The following NCBP3 variants were observed in gnomAD, a reference collection of about 807,000 sequenced individuals.
NCBP3 encodes nuclear cap-binding protein subunit 3.
Under a neutral mutation model 75.7 loss-of-function variants are expected in NCBP3, and 20 were observed. The observed-to-expected ratio is 0.26, with a 90% CI of 0.19 to 0.38. The LOEUF is 0.38. NCBP3 is among the 10% of genes least tolerant of loss of function. The probability of loss-of-function intolerance (pLI) is 1.00; values close to 1 mark genes in which losing one functional copy is unlikely to be tolerated. For missense variants in NCBP3, 678 were observed against 796.9 expected (o/e 0.85, Z 1.80); for synonymous variants, 293 against 290.5 (o/e 1.01, Z -0.09).
At chr17:3,816,919 C>T (rs1029429299) in intron 10 of NCBP3, among the ~76,000 whole-genome samples, 3 of 152,034 alleles carry the variant, frequency 2.0e-5, no homozygotes, top group African/African-American at 2.4e-5. Context: ...CCCAGCTCCC[C>T]GGGAGGCTGA....
chr17:3,818,177 G>C lies in NCBP3; in HGVS notation c.1310+86C>G. 1 of 1,051,738 alleles carries C rather than the reference G, an allele frequency of 9.5e-7. No individual in the cohort carries two copies. The highest frequency in any genetic ancestry group is 1.3e-6 in the Non-Finnish European group (1 of 741,672). 65.2% of individuals were successfully genotyped at this position (1,051,738 alleles called of 1,614,324 possible). ...GGGACTGAAATCAGAATAGATAAAA[G>C]ATATTATAAAATTAGGAGGAATTAA... On this transcript the variant is annotated intron_variant, in intron 10 of 12. Transcript: ENST00000389005. This position sits in a 1 kb window ranked among gnomAD's most constrained non-coding sequence, Gnocchi z 4.7.
intron 1 of NCBP3, 92 bp from the exon 2 acceptor site, chr17:3,843,243 C>CTTTTTTTTTTTTTTTTTTTTTTTT (rs5818919): frequency 1.6e-6 from 1 of 631,304 alleles, no homozygotes; most frequent in Non-Finnish European, 2.6e-6. Context: ...TTCTTTTTTC[C>CTTTTTTTTTTTTTTTTTTTTTTTT]TTTTTTTTTT....
At position 3,807,590 on chromosome 17, in the gene NCBP3, T is replaced by C. The variant is rs1293822678; in HGVS notation, c.*5454A>G. ...ACTCTGGGCTGGCCTGATGAAAGGA[T>C]ACAGAGATAACACCACAAAGAAACT... On this transcript the variant is annotated 3_prime_UTR_variant, in exon 13 of 13. Transcript: ENST00000389005. 6.6e-6 allele frequency: 1 copy of C among 152,208 alleles called. No homozygotes were observed. The highest frequency in any genetic ancestry group is 1.5e-5 in the Non-Finnish European group (1 of 68,040). 9.4% of individuals were successfully genotyped at this position (152,208 alleles called of 1,614,324 possible).
chr17:3,808,910 G>A lies in NCBP3; in HGVS notation c.*4134C>T, dbSNP rs2053366095. On this transcript the variant is annotated 3_prime_UTR_variant, in exon 13 of 13. Coordinates refer to ENST00000389005, the MANE Select transcript of NCBP3 (RefSeq NM_001114118.3). The stretch of plus-strand genomic sequence containing the variant: ...TTCAAGCAGAGGAATAACAGAATCA[G>A]ATATATATTTAAGAAAGTTCATCCT... The A allele has an allele frequency of 6.6e-6, 1 of 152,046 alleles. No homozygotes were observed. Among genetic ancestry groups the A allele is most frequent in the African/African-American group, 2.4e-5 (1 of 41,378 alleles). The allele number at this position is 152,046 out of a possible 1,614,324, so 9.4% of individuals were successfully genotyped here.
chr17:3,832,444 C>A (rs1244378689), intron 3 of NCBP3, among the ~76,000 whole-genome samples: 2 of 117,684 alleles, frequency 1.7e-5, no homozygotes, highest in Non-Finnish European at 2.0e-5. Context: ...TCCTGGCCAA[C>A]ACGGTGAAAC....
In NCBP3 at chr17:3,803,949, T is replaced by TACAC; in HGVS notation, c.*9094_*9095insGTGT. 1 of 151,984 alleles carries TACAC rather than the reference T, an allele frequency of 6.6e-6. No homozygotes were observed. Among genetic ancestry groups the TACAC allele is most frequent in the South Asian group, 2.1e-4 (1 of 4,816 alleles). The allele number at this position is 151,984 out of a possible 1,614,324, so 9.4% of individuals were successfully genotyped here. On this transcript the variant is annotated 3_prime_UTR_variant, in exon 13 of 13. Coordinates refer to ENST00000389005, the MANE Select transcript of NCBP3 (RefSeq NM_001114118.3). ...AAAATTAGCCAGGCGTGGTGGCGGG[T>TACAC]GCCTGTAGTCCCAGCTACTCAGGAG...
chr17:3,802,883 G>C lies in NCBP3; in HGVS notation c.*10161C>G, dbSNP rs1188717386. ...GAAGCCAGGGAAAGCTGATGACTGG[G>C]TGCTGGACAGGGAGCAGGGCCACTT... On this transcript the variant is annotated 3_prime_UTR_variant, in exon 13 of 13. Transcript: ENST00000389005. 6.6e-6 allele frequency: 1 copy of C among 152,438 alleles called. No homozygotes were observed. Among genetic ancestry groups the C allele is most frequent in the East Asian group, 1.9e-4 (1 of 5,196 alleles). 9.4% of individuals were successfully genotyped at this position (152,438 alleles called of 1,614,324 possible). A position where few individuals can be genotyped will look rare whatever the true frequency, so the allele number is the denominator to read the frequency against.
intron 3 of NCBP3, among the ~76,000 whole-genome samples, chr17:3,833,256 AG>A (rs1049427148): frequency 6.6e-6 from 1 of 152,148 alleles, no homozygotes; most frequent in African/African-American, 2.4e-5. Context: ...TTGTTTCAAA[AG>A]AAAAAACCAC....
chr17:3,821,264 T>G lies in NCBP3; in HGVS notation c.985A>C (p.Lys329Gln). 6.2e-7 allele frequency: 1 copy of G among 1,613,572 alleles called. No homozygotes were observed. Among genetic ancestry groups the G allele is most frequent in the South Asian group, 1.1e-5 (1 of 91,068 alleles). The change falls in exon 9 of 13, where the codon AAA (lysine) becomes CAA (glutamine). Residue 329 changes from lysine (K) to glutamine (Q), a missense_variant. Lys to Gln is a moderately conservative substitution (Grantham distance 53, BLOSUM62 1). This residue lies in a region of NCBP3 where 365 missense variants were observed against 392.7 expected (regional missense o/e 0.93). Coordinates refer to ENST00000389005, the MANE Select transcript of NCBP3 (RefSeq NM_001114118.3). ...IGDDVGLTSY[K>Q]HRHSGLVNVP... ...AGGCAACTACCAGAATGTCGATGTT[T>G]ATACGACGTCAAGCCAACGTCATCC... is the stretch of plus-strand genomic sequence containing the variant.
In NCBP3 at chr17:3,812,889, T is replaced by A. The variant is rs1052178402; in HGVS notation, c.*155A>T. The A allele has an allele frequency of 6.9e-7, 1 of 1,446,856 alleles. No homozygotes were observed. 89.6% of individuals were successfully genotyped at this position (1,446,856 alleles called of 1,614,324 possible). A position where few individuals can be genotyped will look rare whatever the true frequency, so the allele number is the denominator to read the frequency against. ...GAGATGCCCTTGAAAATGTGTCACA[T>A]TCTTAAGATGTCTTGCCGAAGTAGC... On this transcript the variant is annotated 3_prime_UTR_variant, in exon 13 of 13. Coordinates refer to ENST00000389005, the MANE Select transcript of NCBP3 (RefSeq NM_001114118.3).
Position 3,807,741 on chromosome 17 carries a change from C to T in NCBP3, c.*5303G>A, listed in dbSNP as rs2053351902. Reference sequence around the variant, plus strand: ...CCCAGAGCCTCAGAGGATGGAGCCACTCCTGAGGCTGGAGGGTTTACAAAC... The same window carrying T: ...CCCAGAGCCTCAGAGGATGGAGCCATTCCTGAGGCTGGAGGGTTTACAAAC... On this transcript the variant is annotated 3_prime_UTR_variant, in exon 13 of 13. Coordinates refer to ENST00000389005, the MANE Select transcript of NCBP3 (RefSeq NM_001114118.3). 6.6e-6 allele frequency: 1 copy of T among 152,304 alleles called. No individual in the cohort carries two copies. Among genetic ancestry groups the T allele is most frequent in the South Asian group, 2.1e-4 (1 of 4,830 alleles). The allele number at this position is 152,304 out of a possible 1,614,324, so 9.4% of individuals were successfully genotyped here. A position where few individuals can be genotyped will look rare whatever the true frequency, so the allele number is the denominator to read the frequency against.
Position 3,814,346 on chromosome 17 carries a change from C to A in NCBP3, c.1603G>T (p.Ala535Ser), listed in dbSNP as rs569227083. 2 of 1,614,192 alleles carry A rather than the reference C, an allele frequency of 1.2e-6. No homozygotes were observed. The highest frequency in any genetic ancestry group is 4.5e-5 in the East Asian group (2 of 44,888). ...VPRQDSKGLY[A>S]DTREKKSGNL... ...CCTGATTTCTTCTCCCGAGTATCGGCGTAGAGGCCTTTACTATCCTGCCTG... is the reference window on the plus strand; with the variant it reads ...CCTGATTTCTTCTCCCGAGTATCGGAGTAGAGGCCTTTACTATCCTGCCTG... Residue 535 changes from alanine (A) to serine (S), a missense_variant, in exon 12 of 13, where the codon GCC becomes TCC. By Grantham distance (99) the Ala-to-Ser change is moderately conservative (BLOSUM62 1). Transcript: ENST00000389005.
intron 2 of NCBP3, among the ~76,000 whole-genome samples, chr17:3,840,464 T>C (rs1300738601): frequency 6.6e-6 from 1 of 152,202 alleles, no homozygotes; most frequent in Non-Finnish European, 1.5e-5. Context: ...ACTCAGTGAG[T>C]ATCTGCTGAC....
At chr17:3,830,691 G>A (rs2053861882) in intron 3 of NCBP3, among the ~76,000 whole-genome samples, 1 of 151,586 alleles carries the variant, frequency 6.6e-6, no homozygotes, top group Admixed American at 6.6e-5. Context: ...GGGTTCAAGC[G>A]ATTCTCCTGC....
intron 3 of NCBP3, among the ~76,000 whole-genome samples, chr17:3,834,284 G>A (rs2053937272): frequency 6.6e-6 from 1 of 152,202 alleles, no homozygotes; most frequent in Non-Finnish European, 1.5e-5. Context: ...GACTGCAAAG[G>A]AGAAAAACAA....
intron 3 of NCBP3, among the ~76,000 whole-genome samples, chr17:3,832,183 C>CAAA (rs754603661): frequency 3.3e-4 from 10 of 29,982 alleles, no homozygotes; most frequent in East Asian, 1.9e-3. Flanking sequence ...GACTCCGTCG[C>CAAA]AAAAAAAAAA....
chr17:3,842,455 T>G (rs2054082073), intron 2 of NCBP3, among the ~76,000 whole-genome samples: 1 of 152,148 alleles, frequency 6.6e-6, no homozygotes, highest in African/African-American at 2.4e-5. Context: ...TGCCAGGCAC[T>G]TTTCATGTTT....
rs1196771012 is a variant in NCBP3, at chr17:3,832,173, G to A, written c.356-2805C>T. On this transcript the variant is annotated intron_variant, in intron 3 of 12. Transcript: ENST00000389005. ...CACTCCAGACTGGGCGACAGGGCAA[G>A]ACTCCGTCGCAAAAAAAAAAAAAAA... is the stretch of plus-strand genomic sequence containing the variant. 8.7e-5 allele frequency among the ~76,000 whole-genome samples: 7 copies of A among 80,188 alleles called. 2 individuals carry two copies. Among genetic ancestry groups the A allele is most frequent in the Non-Finnish European group, 1.9e-4 (7 of 36,374 alleles). The allele number at this position is 80,188 out of a possible 152,430, so 52.6% of individuals were successfully genotyped here.
chr17:3,830,997 T>C (rs1183147), intron 3 of NCBP3, among the ~76,000 whole-genome samples: 20,721 of 151,236 alleles, frequency 0.14, 2,728 homozygotes, highest in African/African-American at 0.35. Flanking sequence ...CTGCAACCTC[T>C]GCCTCCCAGG....
Sources: gnomAD v4.1 joint callset for allele counts (sites outside exome capture counted in the v4.1 genomes callset) on GRCh38, gnomAD v4.1.1 for gene constraint, gnomAD v4.1.1 regional missense constraint, Gnocchi (gnomAD v3.1) non-coding constraint, MANE v1.5 for transcripts, NCBI Gene and HGNC (gene_info 2026-07-23, HGNC 2026-07-21) for gene names.